The following CCAR1 variants were observed in gnomAD, a reference collection of about 807,000 sequenced individuals.
The protein encoded by CCAR1 is cell division cycle and apoptosis regulator 1.
In CCAR1, 78 loss-of-function variants were observed where a neutral mutation model predicts 163.8. The observed-to-expected ratio is 0.48, with a 90% CI of 0.40 to 0.57. The LOEUF is 0.57. Among genes scored for constraint, CCAR1 ranks in the 20% least tolerant of loss-of-function variants. CCAR1 has a pLI of 0.00. For synonymous variants in CCAR1, 443 were observed against 460.7 expected (o/e 0.96, Z 0.49); for missense variants, 1,019 against 1,365.2 (o/e 0.75, Z 4.00).
At chr10:68,787,750 G>C in intron 21 of CCAR1, 177 bp from the exon 22 acceptor site, 4 of 504,832 alleles carry the variant, frequency 7.9e-6, no homozygotes, top group Non-Finnish European at 1.4e-5. Flanking sequence ...TAGGAGAATC[G>C]CTTGAACCTG....
rs751108094 is a variant in CCAR1, at chr10:68,755,286, G to A, written c.1459-84G>A. On this transcript the variant is annotated intron_variant, in intron 12 of 24. Transcript: ENST00000265872. ...AGGTAGTAAAAATGATATTGGAAAGGTTTGTACCTTTCCTTCTCAAGTATC... is the reference window on the plus strand; with the variant it reads ...AGGTAGTAAAAATGATATTGGAAAGATTTGTACCTTTCCTTCTCAAGTATC... The A allele has an allele frequency of 6.4e-6, 8 of 1,249,562 alleles. No individual in the cohort carries two copies. In the Admixed American group the frequency reaches 1.2e-4, roughly 19 times the overall value. 77.4% of individuals were successfully genotyped at this position (1,249,562 alleles called of 1,614,324 possible).
chr10:68,738,690 G>A (rs904309018), intron 4 of CCAR1, among the ~76,000 whole-genome samples: 1 of 151,828 alleles, frequency 6.6e-6, no homozygotes, highest in Non-Finnish European at 1.5e-5. Flanking sequence ...AGGACTCCTA[G>A]TCCCCTTCTT....
At chr10:68,731,083 G>T (rs1208684381) in intron 2 of CCAR1, among the ~76,000 whole-genome samples, 2 of 152,148 alleles carry the variant, frequency 1.3e-5, no homozygotes, top group African/African-American at 4.8e-5. Flanking sequence ...AGTATCTATT[G>T]TGATTGTGGT....
At chr10:68,724,979 A>C (rs1024913312) in intron 2 of CCAR1, among the ~76,000 whole-genome samples, 2 of 152,086 alleles carry the variant, frequency 1.3e-5, no homozygotes, top group Non-Finnish European at 2.9e-5. Flanking sequence ...TCTCTACTAA[A>C]AATACAAAGG....
At chr10:68,727,366 A>G (rs1425940328) in intron 2 of CCAR1, among the ~76,000 whole-genome samples, 1 of 152,092 alleles carries the variant, frequency 6.6e-6, no homozygotes, top group Non-Finnish European at 1.5e-5. Flanking sequence ...TCCCAACTTA[A>G]TTCTCTAAGA....
At chr10:68,790,523 T>TTTTTG (rs980221011) in intron 24 of CCAR1, among the ~76,000 whole-genome samples, 2 of 152,088 alleles carry the variant, frequency 1.3e-5, no homozygotes, top group East Asian at 1.9e-4. Context: ...CTCTGTGTTT[T>TTTTTG]TTTTGTTTTG....
At chr10:68,733,125 A>G (rs77521199) in intron 2 of CCAR1, among the ~76,000 whole-genome samples, 2 of 152,192 alleles carry the variant, frequency 1.3e-5, no homozygotes, top group East Asian at 3.9e-4. Flanking sequence ...AAAAGAGAAA[A>G]TAGGCCAGGC....
At chr10:68,725,183 A>G (rs1272272710) in intron 2 of CCAR1, among the ~76,000 whole-genome samples, 1 of 151,892 alleles carries the variant, frequency 6.6e-6, no homozygotes, top group African/African-American at 2.4e-5. Context: ...GAACATTTAC[A>G]TTTTCAAAAT....
At position 68,791,690 on chromosome 10, in the gene CCAR1, A is replaced by G. The variant is rs2133445903; in HGVS notation, c.*424A>G. ...AAATCATAAAATAGCATGATGCTTA[A>G]TTTTTGCAAGTTTTTTGAAACTTTT... On this transcript the variant is annotated 3_prime_UTR_variant, in exon 25 of 25. Coordinates refer to ENST00000265872, the MANE Select transcript of CCAR1 (RefSeq NM_018237.4). 6.5e-6 allele frequency: 1 copy of G among 152,794 alleles called. No homozygotes were observed. The highest frequency in any genetic ancestry group is 1.5e-5 in the Non-Finnish European group (1 of 68,400). 9.5% of individuals were successfully genotyped at this position (152,794 alleles called of 1,614,324 possible).
At chr10:68,772,939 C>T (rs987938221) in intron 18 of CCAR1, 49 bp from the exon 19 acceptor site, 17 of 1,020,616 alleles carry the variant, frequency 1.7e-5, no homozygotes, top group East Asian at 8.4e-5. Flanking sequence ...GGCAAAACCC[C>T]GTCTTCTAAA....
chr10:68,733,150 C>G (rs975214062), intron 2 of CCAR1, among the ~76,000 whole-genome samples: 1 of 152,138 alleles, frequency 6.6e-6, no homozygotes, highest in African/African-American at 2.4e-5. Context: ...TGGCTCATAC[C>G]TATAATCCCA....
chr10:68,754,593 T>G, intron 11 of CCAR1, 121 bp from the exon 12 acceptor site: 3 of 598,528 alleles, frequency 5.0e-6, no homozygotes, highest in Non-Finnish European at 8.7e-6. Flanking sequence ...TCTGCTATAG[T>G]ATTACTTCCT....
chr10:68,728,527 G>A (rs1202997767), intron 2 of CCAR1, among the ~76,000 whole-genome samples: 4 of 152,134 alleles, frequency 2.6e-5, no homozygotes, highest in African/African-American at 7.2e-5. Context: ...GTAAGAAGAG[G>A]CTATTGCCAG....
At chr10:68,736,273 A>ATG (rs1367863715) in intron 2 of CCAR1, among the ~76,000 whole-genome samples, 1 of 152,168 alleles carries the variant, frequency 6.6e-6, no homozygotes, top group African/African-American at 2.4e-5. Flanking sequence ...TAAAGTCTTG[A>ATG]TGTATATATA....
chr10:68,769,909 C>G (rs992742755), intron 17 of CCAR1, among the ~76,000 whole-genome samples: 3 of 148,528 alleles, frequency 2.0e-5, no homozygotes, highest in African/African-American at 7.5e-5. Context: ...CCACTGCACT[C>G]CAGCCTTGGT....
intron 19 of CCAR1, among the ~76,000 whole-genome samples, chr10:68,775,687 C>CT (rs71028782): frequency 0.012 from 598 of 51,752 alleles, 66 homozygotes; most frequent in African/African-American, 0.026. Context: ...TTTTTCTTTT[C>CT]TTTTTTTTTT....
intron 6 of CCAR1, among the ~76,000 whole-genome samples, chr10:68,743,451 C>A (rs566136093): frequency 5.9e-5 from 9 of 152,012 alleles, no homozygotes; most frequent in Non-Finnish European, 1.2e-4. Flanking sequence ...CAGGTGTGAG[C>A]CACTGTGTCT....
At chr10:68,728,038 T>C (rs1283044887) in intron 2 of CCAR1, among the ~76,000 whole-genome samples, 1 of 152,178 alleles carries the variant, frequency 6.6e-6, no homozygotes, top group Non-Finnish European at 1.5e-5. Context: ...GGTTTCACCA[T>C]GTTGTCCAGG....
At chr10:68,753,118 A>G (rs2056355466) in intron 10 of CCAR1, among the ~76,000 whole-genome samples, 1 of 15,212 alleles carries the variant, frequency 6.6e-5, no homozygotes, top group Non-Finnish European at 1.4e-4. Flanking sequence ...ATCTTACATT[A>G]TACTTTTAAC....
Sources: gnomAD v4.1 joint callset for allele counts (sites outside exome capture counted in the v4.1 genomes callset) on GRCh38, gnomAD v4.1.1 for gene constraint, MANE v1.5 for transcripts, NCBI Gene and HGNC (gene_info 2026-07-23, HGNC 2026-07-21) for gene names.